Variants in SLC24A2 observed in about 807,000 individuals in gnomAD.
The protein encoded by SLC24A2 is sodium/potassium/calcium exchanger 2.
Under a neutral mutation model 62.0 loss-of-function variants are expected in SLC24A2, and 36 were observed. The observed-to-expected ratio is 0.58, with a 90% CI of 0.44 to 0.77. The LOEUF (loss-of-function observed/expected upper bound fraction) is 0.77. SLC24A2 is among the 30% of genes least tolerant of loss of function. The probability of loss-of-function intolerance (pLI) is 0.00; values close to 1 mark genes in which losing one functional copy is unlikely to be tolerated. For synonymous variants in SLC24A2, 358 were observed against 294.0 expected (o/e 1.22, Z -2.23); for missense variants, 846 against 817.9 (o/e 1.03, Z -0.42).
At chr9:20,027,681 T>A in the SLC24A2 span, among the ~76,000 whole-genome samples, 2 of 152,112 alleles carry the variant, frequency 1.3e-5, no homozygotes, top group Non-Finnish European at 2.9e-5. Context: ...GAGGTGTTTG[T>A]CAAGGGATAT....
chr9:19,809,459 T>C, the SLC24A2 span, among the ~76,000 whole-genome samples: 6 of 152,160 alleles, frequency 3.9e-5, no homozygotes, highest in South Asian at 2.1e-4. Flanking sequence ...CGTAGGCAGA[T>C]AGTGAGGGTA....
chr9:20,260,747 T>C, the SLC24A2 span, among the ~76,000 whole-genome samples: 2 of 151,586 alleles, frequency 1.3e-5, no homozygotes, highest in Non-Finnish European at 2.9e-5. Context: ...TTGGTGCACC[T>C]ATCACCGGAA....
chr9:20,293,479 A>C, the SLC24A2 span, among the ~76,000 whole-genome samples: 1 of 152,146 alleles, frequency 6.6e-6, no homozygotes, highest in Admixed American at 6.5e-5. Context: ...CCTAACTGCA[A>C]GATTGGCTGG....
At chr9:19,940,272 C>A in the SLC24A2 span, among the ~76,000 whole-genome samples, 1 of 152,178 alleles carries the variant, frequency 6.6e-6, no homozygotes. Context: ...AACAGGGGAA[C>A]AGAAGAGGCT....
intron 7 of SLC24A2, among the ~76,000 whole-genome samples, chr9:19,563,258 A>G (rs1835492391): frequency 6.6e-6 from 1 of 152,138 alleles, no homozygotes; most frequent in Non-Finnish European, 1.5e-5. Context: ...CAATGCCTCT[A>G]CTTCTTGGGT....
chr9:19,646,285 C>G (rs1044726705), intron 2 of SLC24A2, among the ~76,000 whole-genome samples: 3 of 152,162 alleles, frequency 2.0e-5, no homozygotes, highest in African/African-American at 7.2e-5. Flanking sequence ...TGTAGACTCC[C>G]CTCGAAGAAA....
chr9:20,148,751 C>A, the SLC24A2 span, among the ~76,000 whole-genome samples: 3,217 of 152,116 alleles, frequency 0.021, 44 homozygotes, highest in Middle Eastern at 0.058. Flanking sequence ...TGTCCCTGGA[C>A]CAACATGTTA....
rs1403064065 is a variant in SLC24A2, at chr9:19,678,614, G to C, written c.931-56315C>G. Among the ~76,000 whole-genome samples the C allele has an allele frequency of 2.0e-5, 3 of 152,164 alleles. No homozygotes were observed. In the East Asian group the frequency reaches 5.8e-4, roughly 29 times the overall value. On this transcript the variant is annotated intron_variant, in intron 2 of 10. Coordinates refer to ENST00000341998, the MANE Select transcript of SLC24A2 (RefSeq NM_020344.4). The stretch of plus-strand genomic sequence containing the variant: ...AGAAGCATTTACCATAGCATGTTGA[G>C]AAGACATCTGAAGATCTCCCTATAA...
chr9:19,618,464 G>C (rs555928586), intron 4 of SLC24A2, among the ~76,000 whole-genome samples: 14 of 152,298 alleles, frequency 9.2e-5, no homozygotes, highest in African/African-American at 3.1e-4. Context: ...ACAGGAAGAT[G>C]ATTTGTGATT....
chr9:19,948,949 G>C, the SLC24A2 span, among the ~76,000 whole-genome samples: 1 of 151,292 alleles, frequency 6.6e-6, no homozygotes, highest in South Asian at 2.1e-4. Flanking sequence ...AACTCTCTTT[G>C]GGGTATGCAA....
the SLC24A2 span, among the ~76,000 whole-genome samples, chr9:20,174,508 GA>G: frequency 0.24 from 35,519 of 147,594 alleles, 5,012 homozygotes; most frequent in African/African-American, 0.41. Flanking sequence ...AAATTAGCAA[GA>G]AAAAAAAAAT....
At chr9:19,712,335 T>C (rs1394853567) in intron 2 of SLC24A2, among the ~76,000 whole-genome samples, 2 of 152,198 alleles carry the variant, frequency 1.3e-5, no homozygotes, top group African/African-American at 2.4e-5. Context: ...TTTAGTGAAA[T>C]GATCTTTGCA....
the SLC24A2 span, among the ~76,000 whole-genome samples, chr9:20,036,408 G>A: frequency 6.9e-6 from 1 of 144,020 alleles, no homozygotes; most frequent in Non-Finnish European, 1.5e-5. Context: ...ACCACATTGT[G>A]CAATAGAACT....
the SLC24A2 span, among the ~76,000 whole-genome samples, chr9:20,117,667 T>C: frequency 6.6e-6 from 1 of 152,186 alleles, no homozygotes; most frequent in Non-Finnish European, 1.5e-5. Context: ...AACTAGCTTG[T>C]ACAAGGTCAT....
chr9:20,210,018 C>G, the SLC24A2 span, among the ~76,000 whole-genome samples: 2 of 152,136 alleles, frequency 1.3e-5, no homozygotes, highest in Admixed American at 1.3e-4. Flanking sequence ...CTGCAGACAG[C>G]TTAATTGAAG....
At chr9:19,709,869 G>C (rs1331326611) in intron 2 of SLC24A2, among the ~76,000 whole-genome samples, 6 of 151,810 alleles carry the variant, frequency 4.0e-5, no homozygotes, top group Non-Finnish European at 8.8e-5. Flanking sequence ...CCTGCACATT[G>C]TGCACATGTA....
chr9:19,588,713 CACATTGGG>C (rs1370526631), intron 5 of SLC24A2, among the ~76,000 whole-genome samples: 2 of 152,180 alleles, frequency 1.3e-5, no homozygotes, highest in Non-Finnish European at 2.9e-5. Context: ...GTAATCCTAG[CACATTGGG>C]AGGCTGAGTC....
At chr9:19,742,729 C>T (rs1821716400) in intron 2 of SLC24A2, among the ~76,000 whole-genome samples, 1 of 152,108 alleles carries the variant, frequency 6.6e-6, no homozygotes, top group Non-Finnish European at 1.5e-5. Context: ...ACAAGGCCAA[C>T]TAAAAAGCAA....
intron 2 of SLC24A2, among the ~76,000 whole-genome samples, chr9:19,728,972 G>A (rs1821255039): frequency 6.6e-6 from 1 of 152,146 alleles, no homozygotes; most frequent in Non-Finnish European, 1.5e-5. Flanking sequence ...GGAGCCTGAG[G>A]TAGGCCATAT....
Sources: allele counts gnomAD v4.1 joint callset (sites outside exome capture counted in the v4.1 genomes callset), GRCh38; gene constraint gnomAD v4.1.1; transcripts MANE v1.5; gene names NCBI Gene and HGNC (gene_info 2026-07-23, HGNC 2026-07-21).